RGS6: variants seen among roughly 807,000 people sequenced by gnomAD.
The protein encoded by RGS6 is regulator of G protein signaling 6, also known as regulator of G-protein signaling 6.
RGS6 carries 30 observed loss-of-function variants against 78.5 expected under a neutral mutation model. The ratio of observed to expected loss-of-function variants is 0.38; its 90% confidence interval spans 0.29 to 0.52. RGS6 has a LOEUF of 0.52. Among genes scored for constraint, RGS6 ranks in the 20% least tolerant of loss-of-function variants. The probability of loss-of-function intolerance (pLI) is 0.85; values close to 1 mark genes in which losing one functional copy is unlikely to be tolerated. For missense variants in RGS6, 495 were observed against 609.7 expected (o/e 0.81, Z 1.98); for synonymous variants, 206 against 206.0 (o/e 1.00, Z 0.00).
intron 3 of RGS6, among the ~76,000 whole-genome samples, chr14:72,405,676 C>T (rs2092855175): frequency 6.6e-6 from 1 of 152,168 alleles, no homozygotes; most frequent in Non-Finnish European, 1.5e-5. Context: ...GGCCTTGTGT[C>T]ATCACACATA....
At chr14:72,150,047 C>T (rs753918281) in intron 2 of RGS6, among the ~76,000 whole-genome samples, 1 of 152,140 alleles carries the variant, frequency 6.6e-6, no homozygotes, top group South Asian at 2.1e-4. Context: ...CCCAAATTCA[C>T]GTCTACCTGG....
intron 2 of RGS6, among the ~76,000 whole-genome samples, chr14:72,344,240 A>C (rs754577475): frequency 9.8e-5 from 15 of 152,370 alleles, no homozygotes; most frequent in Non-Finnish European, 1.8e-4. Flanking sequence ...GAAGCACTCC[A>C]TATGGCAATA....
Position 72,415,682 on chromosome 14 carries a change from A to AC in RGS6, c.185-38839dup, listed in dbSNP as rs553139258. 1.4e-3 allele frequency among the ~76,000 whole-genome samples: 216 copies of AC among 151,722 alleles called. 2 individuals are homozygous for AC. The highest frequency in any genetic ancestry group is 4.5e-3 in the African/African-American group (186 of 41,312). On this transcript the variant is annotated intron_variant, in intron 3 of 17. Transcript: ENST00000553525. ...GTTCCTATTCGGCCATCTTGGCTCC[A>AC]CCCCCCCGGCAACTGCCTATTGTTT...
At chr14:72,220,174 A>G (rs565775551) in intron 2 of RGS6, among the ~76,000 whole-genome samples, 24 of 152,360 alleles carry the variant, frequency 1.6e-4, no homozygotes, top group African/African-American at 5.5e-4. Flanking sequence ...ACAGCTAACC[A>G]AGGAGGTGAA....
At chr14:72,192,980 G>GTTTTTTTTT (rs35795281) in intron 2 of RGS6, among the ~76,000 whole-genome samples, 1 of 140,178 alleles carries the variant, frequency 7.1e-6, no homozygotes. Context: ...GCTGGGTTGG[G>GTTTTTTTTT]TTTTTTTTTT....
the RGS6 span, among the ~76,000 whole-genome samples, chr14:71,898,875 A>G: frequency 7.9e-5 from 12 of 152,210 alleles, no homozygotes; most frequent in African/African-American, 2.7e-4. Context: ...ATAGTAACCC[A>G]TGGTGTATAT....
chr14:72,050,797 T>C (rs570569018), intron 2 of RGS6, among the ~76,000 whole-genome samples: 6 of 152,262 alleles, frequency 3.9e-5, no homozygotes, highest in Non-Finnish European at 2.9e-5. Context: ...AGCCTGTGTA[T>C]AGGGAGGGCT....
At chr14:72,091,453 C>T (rs2095266824) in intron 2 of RGS6, among the ~76,000 whole-genome samples, 1 of 152,176 alleles carries the variant, frequency 6.6e-6, no homozygotes, top group Admixed American at 6.5e-5. Flanking sequence ...CTGCTGAACT[C>T]ATCTTTCAGT....
intron 13 of RGS6, among the ~76,000 whole-genome samples, chr14:72,501,731 C>A (rs993132570): frequency 1.1e-4 from 17 of 152,260 alleles, no homozygotes; most frequent in African/African-American, 3.4e-4. Context: ...GTGTTGTCAG[C>A]AGAATGTGGT....
chr14:72,121,762 T>C (rs1956602957), intron 2 of RGS6, among the ~76,000 whole-genome samples: 1 of 152,150 alleles, frequency 6.6e-6, no homozygotes, highest in South Asian at 2.1e-4. Context: ...ATCCCATGTA[T>C]TCATGTCAGA....
chr14:72,413,139 C>T lies in RGS6; in HGVS notation c.185-41389C>T, dbSNP rs1200369795. Among the ~76,000 whole-genome samples, 5 of 152,200 alleles carry T rather than the reference C, an allele frequency of 3.3e-5. No individual in the cohort carries two copies. In the South Asian group the frequency reaches 8.3e-4, roughly 25 times the overall value. On this transcript the variant is annotated intron_variant, in intron 3 of 17. Coordinates refer to ENST00000553525, the MANE Select transcript of RGS6 (RefSeq NM_001204424.2). ...GGATATCCTTGTTAACTTTCTGTCTCGTTGATCTGTCTAATGTTGACAGTG... is the reference window on the plus strand; with the variant it reads ...GGATATCCTTGTTAACTTTCTGTCTTGTTGATCTGTCTAATGTTGACAGTG...
At chr14:72,626,434 T>A in the RGS6 span, among the ~76,000 whole-genome samples, 1 of 152,186 alleles carries the variant, frequency 6.6e-6, no homozygotes, top group African/African-American at 2.4e-5. Flanking sequence ...GTCAGCATAC[T>A]ATAGATATTC....
In RGS6 at chr14:72,167,073, C is replaced by T. The variant is rs991580737; in HGVS notation, c.85-185022C>T. 3.3e-5 allele frequency among the ~76,000 whole-genome samples: 5 copies of T among 152,202 alleles called. No homozygotes were observed. The East Asian group carries it at 9.6e-4, about 29-fold the overall frequency. The stretch of plus-strand genomic sequence containing the variant: ...AGTCATTTTTTTTTCATACCAGTTC[C>T]CTGCTTTCGAGTCTCTGATGAGGCT... On this transcript the variant is annotated intron_variant, in intron 2 of 17. Transcript: ENST00000553525.
intron 2 of RGS6, among the ~76,000 whole-genome samples, chr14:72,123,641 A>T (rs2096113931): frequency 6.6e-6 from 1 of 152,204 alleles, no homozygotes; most frequent in Non-Finnish European, 1.5e-5. Flanking sequence ...CTTATTGAAA[A>T]TTATGTGTAA....
chr14:72,241,769 T>A (rs552204897), intron 2 of RGS6, among the ~76,000 whole-genome samples: 4 of 152,358 alleles, frequency 2.6e-5, no homozygotes, highest in Admixed American at 1.3e-4. Context: ...AAATATAAAT[T>A]TTTTGCCTAA....
chr14:72,293,373 A>G (rs2064008723), intron 2 of RGS6, among the ~76,000 whole-genome samples: 1 of 152,196 alleles, frequency 6.6e-6, no homozygotes, highest in Non-Finnish European at 1.5e-5. Flanking sequence ...AAAATGTAGA[A>G]CAATTCGAGG....
At chr14:72,039,607 A>G (rs758046222) in intron 2 of RGS6, among the ~76,000 whole-genome samples, 3 of 152,112 alleles carry the variant, frequency 2.0e-5, no homozygotes, top group African/African-American at 4.8e-5. Flanking sequence ...TCTCTTGTAT[A>G]CATCAGATAG....
chr14:72,445,642 A>G (rs553441813), intron 3 of RGS6, among the ~76,000 whole-genome samples: 37 of 152,356 alleles, frequency 2.4e-4, no homozygotes, highest in Admixed American at 5.2e-4. Flanking sequence ...TACTGAATAT[A>G]CATGTGTGGG....
chr14:72,359,889 T>C (rs751230533), intron 3 of RGS6, among the ~76,000 whole-genome samples: 7 of 137,920 alleles, frequency 5.1e-5, no homozygotes, highest in Non-Finnish European at 7.6e-5. Context: ...TGTGAAACAT[T>C]GGGAGCAAAA....
Sources: gnomAD v4.1 joint callset for allele counts (sites outside exome capture counted in the v4.1 genomes callset) on GRCh38, gnomAD v4.1.1 for gene constraint, MANE v1.5 for transcripts, NCBI Gene and HGNC (gene_info 2026-07-23, HGNC 2026-07-21) for gene names.